Variants in KHDRBS2 observed in about 807,000 individuals in gnomAD.
The protein encoded by KHDRBS2 is KH domain-containing, RNA-binding, signal transduction-associated protein 2.
In KHDRBS2, 26 loss-of-function variants were observed where a neutral mutation model predicts 44.3. The ratio of observed to expected loss-of-function variants is 0.59; its 90% CI spans 0.43 to 0.81. KHDRBS2 has a LOEUF of 0.81. Ranked by LOEUF, KHDRBS2 falls within the 40% of genes least tolerant of loss-of-function variation. The pLI, the probability that KHDRBS2 is intolerant of heterozygous loss-of-function variation, is 0.00. For synonymous variants in KHDRBS2, 194 were observed against 151.1 expected (o/e 1.28, Z -2.08); for missense variants, 476 against 433.1 (o/e 1.10, Z -0.88).
chr6:62,246,469 G>T (rs968482849), intron 1 of KHDRBS2, among the ~76,000 whole-genome samples: 3 of 151,894 alleles, frequency 2.0e-5, no homozygotes, highest in African/African-American at 7.3e-5. Flanking sequence ...TTTAGACAGG[G>T]AGGCTATATA....
intron 6 of KHDRBS2, among the ~76,000 whole-genome samples, chr6:61,832,642 G>A (rs1026260977): frequency 7.2e-5 from 11 of 152,150 alleles, no homozygotes; most frequent in African/African-American, 2.6e-4. Flanking sequence ...GTCATGTTAG[G>A]CAACTAGCAC....
intron 4 of KHDRBS2, among the ~76,000 whole-genome samples, chr6:61,950,423 G>C (rs1351852535): frequency 1.3e-5 from 2 of 151,966 alleles, no homozygotes; most frequent in African/African-American, 2.4e-5. Context: ...TAACATTCCA[G>C]ATGTTCCAAG....
At chr6:62,281,742 G>A (rs1371887706) in intron 1 of KHDRBS2, among the ~76,000 whole-genome samples, 1 of 152,084 alleles carries the variant, frequency 6.6e-6, no homozygotes, top group Non-Finnish European at 1.5e-5. Context: ...ACCCTGCCTG[G>A]TAGGTATCAC....
intron 2 of KHDRBS2, among the ~76,000 whole-genome samples, chr6:62,105,581 T>C (rs1477578718): frequency 6.6e-6 from 1 of 152,196 alleles, no homozygotes; most frequent in Non-Finnish European, 1.5e-5. Flanking sequence ...GTTTGTAGTA[T>C]TCTGTGATGG....
chr6:62,194,480 C>CTTTTTTTTTTTTTTTT lies in KHDRBS2; in HGVS notation c.92-17184_92-17169dup, dbSNP rs70996208. ...CACTTTCTTTTCTTTTCTTTTCTTCCTTTTTTTTTTTTTTTTTTTTTTTTT... is the reference window on the plus strand; with the variant it reads ...CACTTTCTTTTCTTTTCTTTTCTTCCTTTTTTTTTTTTTTTTTTTTTTTTTTTTTTTTTTTTTTTTT... On this transcript the variant is annotated intron_variant, in intron 1 of 8. Coordinates refer to ENST00000281156, the MANE Select transcript of KHDRBS2 (RefSeq NM_152688.4). Among the ~76,000 whole-genome samples, 7 of 69,770 alleles carry CTTTTTTTTTTTTTTTT rather than the reference C, an allele frequency of 1.0e-4. 1 individual carries two copies. Among genetic ancestry groups the CTTTTTTTTTTTTTTTT allele is most frequent in the African/African-American group, 1.3e-4 (2 of 15,312 alleles). The allele number at this position is 69,770 out of a possible 152,430, so 45.8% of individuals were successfully genotyped here.
intron 1 of KHDRBS2, among the ~76,000 whole-genome samples, chr6:62,208,356 A>C (rs915393662): frequency 6.6e-6 from 1 of 152,130 alleles, no homozygotes; most frequent in Non-Finnish European, 1.5e-5. Flanking sequence ...CAGCCTCCCA[A>C]GTAGCTGGGA....
chr6:62,073,659 G>C (rs1332317187), intron 2 of KHDRBS2, among the ~76,000 whole-genome samples: 1 of 150,166 alleles, frequency 6.7e-6, no homozygotes, highest in East Asian at 2.0e-4. Flanking sequence ...ATTGATGTGA[G>C]AACTTCCTTC....
intron 1 of KHDRBS2, among the ~76,000 whole-genome samples, chr6:62,262,693 T>C (rs1267908431): frequency 1.3e-5 from 2 of 151,720 alleles, no homozygotes; most frequent in Non-Finnish European, 3.0e-5. Flanking sequence ...TATTGCTTTA[T>C]TATCTTTGAT....
intron 3 of KHDRBS2, among the ~76,000 whole-genome samples, chr6:61,990,073 T>C (rs1775839617): frequency 6.6e-6 from 1 of 152,200 alleles, no homozygotes; most frequent in African/African-American, 2.4e-5. Flanking sequence ...CTGGGTTCCA[T>C]TCATTTTCTT....
chr6:62,234,439 C>G (rs974515054), intron 1 of KHDRBS2, among the ~76,000 whole-genome samples: 5 of 151,914 alleles, frequency 3.3e-5, no homozygotes. Flanking sequence ...TTTTTATATG[C>G]CAGGTATTGC....
At chr6:61,624,070 T>C in the KHDRBS2 span, among the ~76,000 whole-genome samples, 1 of 152,062 alleles carries the variant, frequency 6.6e-6, no homozygotes, top group African/African-American at 2.4e-5. Flanking sequence ...AGGTCTGGGG[T>C]AGAAGTAGCA....
At chr6:61,860,760 G>C (rs1195387276) in intron 6 of KHDRBS2, among the ~76,000 whole-genome samples, 1 of 151,916 alleles carries the variant, frequency 6.6e-6, no homozygotes, top group Non-Finnish European at 1.5e-5. Flanking sequence ...GGGTCGAATG[G>C]TATTTTATCC....
chr6:61,749,119 T>C (rs1259184583), intron 6 of KHDRBS2, among the ~76,000 whole-genome samples: 1 of 151,156 alleles, frequency 6.6e-6, no homozygotes. Context: ...TTCACACCAT[T>C]GTCCTGCTTC....
At chr6:61,684,080 A>T (rs1766578059) in intron 8 of KHDRBS2, among the ~76,000 whole-genome samples, 3 of 152,064 alleles carry the variant, frequency 2.0e-5, no homozygotes, top group African/African-American at 7.2e-5. Context: ...CTTTCCTAAT[A>T]TCAGAATGTT....
Position 61,891,161 on chromosome 6 carries a change from T to C in KHDRBS2, c.810+3474A>G, listed in dbSNP as rs1251478044. On this transcript the variant is annotated intron_variant, in intron 6 of 8. Transcript: ENST00000281156. ...AAGACATTGAAGAGGACAGCATGTT[T>C]ATGGATAGTTGAATGAAACAAATAC... Among the ~76,000 whole-genome samples the C allele has an allele frequency of 2.0e-5, 3 of 152,312 alleles. No individual in the cohort carries two copies. The East Asian group carries it at 5.8e-4, about 29-fold the overall frequency.
chr6:62,238,671 G>T (rs1317705543), intron 1 of KHDRBS2, among the ~76,000 whole-genome samples: 1 of 144,552 alleles, frequency 6.9e-6, no homozygotes, highest in East Asian at 2.1e-4. Flanking sequence ...TGGATGAAAG[G>T]CTTTTAAGTT....
chr6:61,664,866 C>T, the KHDRBS2 span, among the ~76,000 whole-genome samples: 1 of 151,504 alleles, frequency 6.6e-6, no homozygotes, highest in Non-Finnish European at 1.5e-5. Flanking sequence ...GTTTTAATAT[C>T]TGTAATAAAT....
At chr6:61,672,987 G>T in the KHDRBS2 span, among the ~76,000 whole-genome samples, 3 of 151,880 alleles carry the variant, frequency 2.0e-5, no homozygotes, top group African/African-American at 4.8e-5. Context: ...TAGGTCTAAG[G>T]TTTAAGTCTT....
intron 1 of KHDRBS2, among the ~76,000 whole-genome samples, chr6:62,198,023 C>T (rs1261740293): frequency 3.3e-5 from 5 of 152,072 alleles, no homozygotes; most frequent in Middle Eastern, 3.4e-3. Context: ...GAAATAAAGA[C>T]GTTCTTTGAA....
Sources: allele counts gnomAD v4.1 joint callset (sites outside exome capture counted in the v4.1 genomes callset), GRCh38; gene constraint gnomAD v4.1.1; transcripts MANE v1.5; gene names NCBI Gene and HGNC (gene_info 2026-07-23, HGNC 2026-07-21).